DPEP1: variants seen among roughly 807,000 people sequenced by gnomAD.
DPEP1 encodes the protein beta-lactamase.
DPEP1 carries 50 observed loss-of-function variants against 42.3 expected under a neutral mutation model. The observed-to-expected ratio is 1.18, with a 90% CI of 0.94 to 1.50. The LOEUF is 1.50. DPEP1 is among the 40% of genes most tolerant of loss of function. The pLI is 0.00. For synonymous variants in DPEP1, 297 were observed against 234.0 expected, an observed-to-expected ratio of 1.27 and a Z score of -2.46; for missense variants, 663 against 553.0, an observed-to-expected ratio of 1.20 and a Z score of -1.99.
chr16:89,638,668 C>T (rs1247605752), downstream of DPEP1, among the ~76,000 whole-genome samples: 13 of 137,864 alleles, frequency 9.4e-5, no homozygotes, highest in Non-Finnish European at 1.4e-4. Flanking sequence ...CCCACCCCTG[C>T]ACACACACAC....
At chr16:89,625,899 G>A (rs2059505209) in intron 1 of DPEP1, among the ~76,000 whole-genome samples, 1 of 152,142 alleles carries the variant, frequency 6.6e-6, no homozygotes, top group African/African-American at 2.4e-5. Context: ...CAGTGGTCGT[G>A]AGAGGGGAAC....
At chr16:89,623,559 T>A (rs2059471178) in intron 1 of DPEP1, among the ~76,000 whole-genome samples, 1 of 149,132 alleles carries the variant, frequency 6.7e-6, no homozygotes. Flanking sequence ...GAGAACAGAG[T>A]GTAGCTGAGT....
In DPEP1 at chr16:89,630,395, C is replaced by A. The variant is rs369160657; in HGVS notation, c.-16C>A. The A allele has an allele frequency of 1.1e-4, 175 of 1,604,982 alleles. No homozygotes were observed. Among genetic ancestry groups the A allele is most frequent in the Non-Finnish European group, 1.5e-4 (171 of 1,174,712 alleles). ...CACCAGGGCAGCAGTGCACACAGGT[C>A]CCCGGGGACCCCACCATGTGGAGCG... is the stretch of plus-strand genomic sequence containing the variant. On this transcript the variant is annotated 5_prime_UTR_variant, in exon 2 of 11. Transcript: ENST00000690203.
chr16:89,636,272 C>G lies in DPEP1; in HGVS notation c.246C>G (p.Ser82=). ...CCCCCTGCGGCCCACAGTTCTGGTC[C>G]GTGTACACGCCCTGCGACACCCAGA... ...RAGFVGGQFW[S]VYTPCDTQNK... The change falls in exon 4 of 11, where the codon TCC becomes TCG. Residue 82 remains serine, a synonymous_variant. Coordinates refer to ENST00000690203, the MANE Select transcript of DPEP1 (RefSeq NM_001389466.1). The G allele has an allele frequency of 6.2e-7, 1 of 1,608,776 alleles. No homozygotes were observed. Among genetic ancestry groups the G allele is most frequent in the Non-Finnish European group, 8.5e-7 (1 of 1,178,610 alleles).
chr16:89,641,198 C>T (rs191237982), downstream of DPEP1, among the ~76,000 whole-genome samples: 358 of 143,964 alleles, frequency 2.5e-3, 4 homozygotes, highest in Non-Finnish European at 6.9e-4. Flanking sequence ...CACAGGGAGA[C>T]GGTTAGGCCT....
intron 6 of DPEP1, 101 bp downstream of exon 6, chr16:89,637,036 T>A: frequency 6.5e-7 from 1 of 1,545,266 alleles, no homozygotes; most frequent in Non-Finnish European, 8.8e-7. Context: ...TCAGTGTCCT[T>A]GTCTGTAAAA....
chr16:89,629,192 A>T (rs1449854410), intron 1 of DPEP1, among the ~76,000 whole-genome samples: 2 of 152,158 alleles, frequency 1.3e-5, no homozygotes, highest in African/African-American at 2.4e-5. Context: ...TTTTTAAAAT[A>T]TTGAATGAAA....
In DPEP1 at chr16:89,638,413, T is replaced by C. The variant is rs1489570317; in HGVS notation, c.*191T>C. ...GGACACACACACAGTAGGCCCGCAA[T>C]AAAAGCAACACCCCTTCACATCCTG... On this transcript the variant is annotated 3_prime_UTR_variant, in exon 11 of 11. Transcript: ENST00000690203. 21 of 1,342,856 alleles carry C rather than the reference T, an allele frequency of 1.6e-5. No homozygotes were observed. The highest frequency in any genetic ancestry group is 1.9e-5 in the Non-Finnish European group (20 of 1,052,882). 83.2% of individuals were successfully genotyped at this position (1,342,856 alleles called of 1,614,324 possible).
chr16:89,616,943 G>T, intron 1 of DPEP1: 1 of 234,236 alleles, frequency 4.3e-6, no homozygotes, highest in South Asian at 3.6e-5. Context: ...TTACCGAGCG[G>T]CGTGACGGCT....
chr16:89,617,795 G>C (rs1266164051), intron 1 of DPEP1, among the ~76,000 whole-genome samples: 1 of 94,574 alleles, frequency 1.1e-5, no homozygotes, highest in Non-Finnish European at 2.3e-5. Flanking sequence ...AGGCCAAGAC[G>C]GGCAGATCAT....
chr16:89,637,417 T>A (rs1311033904), intron 7 of DPEP1, 37 bp downstream of exon 7: 1 of 1,612,652 alleles, frequency 6.2e-7, no homozygotes, highest in Admixed American at 1.7e-5. Context: ...CCCGCCTCCC[T>A]GGGCAGGCCC....
At chr16:89,619,824 CTGCAGCCCCCTGCGTCCCCTCCCCTCT>C (rs1399605428) in intron 1 of DPEP1, among the ~76,000 whole-genome samples, 5 of 24,240 alleles carry the variant, frequency 2.1e-4, no homozygotes, top group Admixed American at 9.4e-4. Flanking sequence ...ACTCCCCTCT[CTGCAGCCCCCTGCGTCCCCTCCCCTCT>C]CTGCAGCCCC....
In DPEP1 at chr16:89,637,646, A is replaced by C; in HGVS notation, c.868A>C (p.Ile290Leu). 1 of 1,613,000 alleles carries C rather than the reference A, an allele frequency of 6.2e-7. No individual in the cohort carries two copies. Among genetic ancestry groups the C allele is most frequent in the Non-Finnish European group, 8.5e-7 (1 of 1,179,982 alleles). Residue 290 changes from isoleucine (I) to leucine (L), a missense_variant, in exon 9 of 11, where the codon ATC (isoleucine) becomes CTC (leucine). Physicochemically the swap from Ile to Leu is conservative, Grantham distance 5. Coordinates refer to ENST00000690203, the MANE Select transcript of DPEP1 (RefSeq NM_001389466.1). ...TCCCTGGACAGACCATCTGGATCAC[A>C]TCAAGGAGGTGGCAGGAGCCAGAGC... ...LSQVADHLDH[I>L]KEVAGARAVG...
chr16:89,627,104 AAAG>A (rs1431333465), intron 1 of DPEP1, among the ~76,000 whole-genome samples: 1 of 149,098 alleles, frequency 6.7e-6, no homozygotes, highest in East Asian at 2.8e-4. Context: ...TACTAAAAAA[AAAG>A]AAAAAAAAGA....
At chr16:89,634,339 G>C (rs2460449) in intron 2 of DPEP1, among the ~76,000 whole-genome samples, 1 of 151,622 alleles carries the variant, frequency 6.6e-6, no homozygotes, top group Non-Finnish European at 1.5e-5. Context: ...TGCCCACCTC[G>C]GCCTCCCAAA....
At chr16:89,640,859 C>G (rs1051378490), downstream of DPEP1, among the ~76,000 whole-genome samples, 2 of 152,144 alleles carry the variant, frequency 1.3e-5, no homozygotes, top group African/African-American at 4.8e-5. Flanking sequence ...CCACTACCAC[C>G]TGGACGCGGA....
At chr16:89,616,969 G>A (rs377006706) in intron 1 of DPEP1, 28 of 237,036 alleles carry the variant, frequency 1.2e-4, no homozygotes, top group South Asian at 1.0e-3. Flanking sequence ...GGGGATGATG[G>A]AGTCTGGCAG....
At chr16:89,627,890 C>G (rs529401565) in intron 1 of DPEP1, among the ~76,000 whole-genome samples, 4 of 151,664 alleles carry the variant, frequency 2.6e-5, no homozygotes, top group African/African-American at 9.7e-5. Context: ...AAACTCCTAA[C>G]CTCGTGATCC....
At chr16:89,638,939 T>C (rs1392518042), downstream of DPEP1, among the ~76,000 whole-genome samples, 21 of 4,930 alleles carry the variant, frequency 4.3e-3, no homozygotes, top group African/African-American at 5.1e-3. Context: ...CACACACACA[T>C]ACCCCACCCC....
Sources: allele counts gnomAD v4.1 joint callset (sites outside exome capture counted in the v4.1 genomes callset), GRCh38; gene constraint gnomAD v4.1.1; transcripts MANE v1.5; gene names NCBI Gene and HGNC (gene_info 2026-07-23, HGNC 2026-07-21).